The following TRMT9B variants were observed in gnomAD, a reference collection of about 807,000 sequenced individuals.
TRMT9B encodes the protein probable tRNA methyltransferase 9B.
In TRMT9B, 16 loss-of-function variants were observed where a neutral mutation model predicts 11.5. The ratio of observed to expected loss-of-function variants is 1.39; its 90% confidence interval spans 0.94 to 2.11. The LOEUF is 2.11. Among genes scored for constraint, TRMT9B ranks in the 30% most tolerant of loss-of-function variants. TRMT9B has a pLI of 0.00. For missense variants in TRMT9B, 941 were observed against 553.8 expected (o/e 1.70, Z -7.02); for synonymous variants, 274 against 192.4 (o/e 1.42, Z -3.51).
At chr8:12,997,374 C>T (rs929588029) in intron 2 of TRMT9B, among the ~76,000 whole-genome samples, 61 of 152,134 alleles carry the variant, frequency 4.0e-4, no homozygotes, top group Admixed American at 1.5e-3. Context: ...GCTCCTCAGT[C>T]ACCTTCCACC....
At chr8:12,953,236 T>C (rs1414217741) in intron 1 of TRMT9B, among the ~76,000 whole-genome samples, 1 of 36,992 alleles carries the variant, frequency 2.7e-5, no homozygotes, top group East Asian at 4.9e-4. Flanking sequence ...TTAAGATTAT[T>C]GGTAATACAG....
chr8:13,003,852 G>A (rs933309020), intron 2 of TRMT9B, among the ~76,000 whole-genome samples: 10 of 149,224 alleles, frequency 6.7e-5, no homozygotes, highest in African/African-American at 9.9e-5. Context: ...TCAGGAGAGC[G>A]CTCACAGTGC....
At chr8:13,001,675 G>C (rs1809481540) in intron 2 of TRMT9B, among the ~76,000 whole-genome samples, 3 of 152,092 alleles carry the variant, frequency 2.0e-5, no homozygotes, top group Admixed American at 2.0e-4. Flanking sequence ...CAATAATTCT[G>C]AGAAAAAAGC....
At chr8:12,966,799 T>G (rs1316668234) in intron 1 of TRMT9B, among the ~76,000 whole-genome samples, 1 of 152,194 alleles carries the variant, frequency 6.6e-6, no homozygotes, top group East Asian at 1.9e-4. Flanking sequence ...AGATGGGACC[T>G]GAGCTTCGTA....
chr8:13,026,391 G>C lies in TRMT9B; in HGVS notation c.*4347G>C, dbSNP rs1814690327. The C allele has an allele frequency of 6.2e-6, 1 of 161,424 alleles. No individual in the cohort carries two copies. The highest frequency in any genetic ancestry group is 2.5e-5 in the African/African-American group (1 of 40,148). The allele number at this position is 161,424 out of a possible 1,614,324, so 10.0% of individuals were successfully genotyped here. A position where few individuals can be genotyped will look rare whatever the true frequency, so the allele number is the denominator to read the frequency against. ...GGGACCTGTTGTGACCCCGCTGAGG[G>C]AGTTCCTCTTGCCCTCTACCCCCGG... On this transcript the variant is annotated 3_prime_UTR_variant, in exon 5 of 5. Transcript: ENST00000524591.
chr8:12,984,970 C>T (rs1806013278), intron 1 of TRMT9B, among the ~76,000 whole-genome samples: 1 of 143,842 alleles, frequency 7.0e-6, no homozygotes, highest in Admixed American at 6.8e-5. Context: ...CACACACACA[C>T]ACACACACAC....
At chr8:12,984,193 C>A (rs1465139216) in intron 1 of TRMT9B, among the ~76,000 whole-genome samples, 1 of 152,162 alleles carries the variant, frequency 6.6e-6, no homozygotes, top group African/African-American at 2.4e-5. Context: ...TATGAAACAA[C>A]CATGAATTTT....
At chr8:13,008,518 T>A (rs911068634) in intron 3 of TRMT9B, among the ~76,000 whole-genome samples, 9 of 152,134 alleles carry the variant, frequency 5.9e-5, no homozygotes, top group African/African-American at 2.2e-4. Flanking sequence ...AGTATTGACG[T>A]TGGGGTTACA....
chr8:13,002,067 T>C lies in TRMT9B; in HGVS notation c.-1-4135T>C, dbSNP rs140968780. Among the ~76,000 whole-genome samples the C allele has an allele frequency of 7.8e-4, 119 of 152,296 alleles. 1 individual carries two copies. The highest frequency in any genetic ancestry group is 2.8e-3 in the African/African-American group (115 of 41,562). ...TGTTTATAAAGTTAACTGTAAAATA[T>C]CAGAAAAACAAAATAGATTTATATT... On this transcript the variant is annotated intron_variant, in intron 2 of 4. Coordinates refer to ENST00000524591, the MANE Select transcript of TRMT9B (RefSeq NM_020844.3).
chr8:12,967,343 G>T (rs1802954951), intron 1 of TRMT9B, among the ~76,000 whole-genome samples: 1 of 152,166 alleles, frequency 6.6e-6, no homozygotes, highest in Non-Finnish European at 1.5e-5. Flanking sequence ...ACTTGACTTT[G>T]GGACTATAGG....
chr8:12,952,342 C>T lies in TRMT9B; in HGVS notation c.-200+6376C>T, dbSNP rs188135719. The T allele has an allele frequency of 1.6e-4, 52 of 323,350 alleles. No individual in the cohort carries two copies. The Admixed American group carries it at 1.8e-3, about 11-fold the overall frequency. 20.0% of individuals were successfully genotyped at this position (323,350 alleles called of 1,614,324 possible). ...TAGCGCGTGCCCCGGAGCCCGCGCC[C>T]GGGTCTGGCCGCCTGGGTGAGTTCC... On this transcript the variant is annotated intron_variant, in intron 1 of 4. Transcript: ENST00000524591.
chr8:12,978,518 TGATAGATAGATAGATA>T (rs1554517224), intron 1 of TRMT9B, among the ~76,000 whole-genome samples: 11 of 41,834 alleles, frequency 2.6e-4, no homozygotes, highest in East Asian at 4.8e-4. Context: ...GATAGATAGA[TGATAGATAGATAGATA>T]GATAGATAGA....
At chr8:12,955,863 C>T (rs1401810440) in intron 1 of TRMT9B, among the ~76,000 whole-genome samples, 2 of 152,060 alleles carry the variant, frequency 1.3e-5, no homozygotes, top group Non-Finnish European at 2.9e-5. Flanking sequence ...CTTGATGGGC[C>T]CCCAGGGTTG....
intron 1 of TRMT9B, among the ~76,000 whole-genome samples, chr8:12,953,023 C>T (rs1800836136): frequency 6.6e-6 from 1 of 152,150 alleles, no homozygotes; most frequent in African/African-American, 2.4e-5. Flanking sequence ...CAGGCGTGAG[C>T]CACCGGGCCC....
intron 1 of TRMT9B, among the ~76,000 whole-genome samples, chr8:12,950,818 T>C (rs1360729806): frequency 6.6e-6 from 1 of 152,166 alleles, no homozygotes; most frequent in East Asian, 1.9e-4. Context: ...CCAGCGTCTA[T>C]GTGAGACCTG....
chr8:13,008,752 G>A (rs906244995), intron 3 of TRMT9B, among the ~76,000 whole-genome samples: 15 of 151,764 alleles, frequency 9.9e-5, no homozygotes, highest in African/African-American at 1.5e-4. Flanking sequence ...TTTTTGAGAC[G>A]GAGTCTTGCT....
chr8:13,021,475 G>C lies in TRMT9B; in HGVS notation c.796G>C (p.Glu266Gln), dbSNP rs767107355. ...LDESTLRKQIERVRPLKNTEV... is the reference protein window; with the variant it reads ...LDESTLRKQIQRVRPLKNTEV... ...TGAATCGACTCTGAGGAAGCAAATTGAAAGAGTAAGACCCTTGAAAAACAC... is the reference window on the plus strand; with the variant it reads ...TGAATCGACTCTGAGGAAGCAAATTCAAAGAGTAAGACCCTTGAAAAACAC... Residue 266 changes from glutamate (E) to glutamine (Q), a missense_variant, in exon 5 of 5, where the codon GAA (glutamate) becomes CAA (glutamine). Glu to Gln is a conservative substitution (Grantham distance 29). Coordinates refer to ENST00000524591, the MANE Select transcript of TRMT9B (RefSeq NM_020844.3). 3.1e-6 allele frequency: 5 copies of C among 1,614,016 alleles called. No homozygotes were observed. The Admixed American group carries it at 8.3e-5, about 27-fold the overall frequency.
intron 4 of TRMT9B, among the ~76,000 whole-genome samples, chr8:13,013,468 C>CA: frequency 6.6e-6 from 1 of 152,086 alleles, no homozygotes; most frequent in Middle Eastern, 3.4e-3. Context: ...ACACACATGC[C>CA]AAAAAATGGG....
intron 1 of TRMT9B, chr8:12,958,474 C>T (rs1474205597): frequency 1.3e-5 from 2 of 152,506 alleles, no homozygotes; most frequent in Middle Eastern, 3.1e-3. Context: ...CCCAGCTATG[C>T]CTCTGTAGGG....
Sources: gnomAD v4.1 joint callset for allele counts (sites outside exome capture counted in the v4.1 genomes callset) on GRCh38, gnomAD v4.1.1 for gene constraint, MANE v1.5 for transcripts, NCBI Gene and HGNC (gene_info 2026-07-23, HGNC 2026-07-21) for gene names.